Variants in MDFIC observed in about 807,000 individuals in gnomAD.
MDFIC encodes MyoD family inhibitor domain containing.
Under a neutral mutation model 23.2 loss-of-function variants are expected in MDFIC, and 17 were observed. That is an observed-to-expected ratio of 0.73 (90% CI 0.50 to 1.10). MDFIC has a LOEUF of 1.10. Among genes scored for constraint, MDFIC ranks in the 50% least tolerant of loss-of-function variants. The pLI, the probability that MDFIC is intolerant of heterozygous loss-of-function variation, is 0.00. For missense variants in MDFIC, 356 were observed against 316.6 expected (o/e 1.12, Z -0.95); for synonymous variants, 120 against 115.2 (o/e 1.04, Z -0.27).
At chr7:114,959,476 C>G (rs1000866479) in intron 3 of MDFIC, among the ~76,000 whole-genome samples, 1 of 152,128 alleles carries the variant, frequency 6.6e-6, no homozygotes, top group African/African-American at 2.4e-5. Flanking sequence ...GGAAGACAGG[C>G]TCATTATCAT....
At chr7:115,008,729 C>T (rs1791621588) in intron 4 of MDFIC, among the ~76,000 whole-genome samples, 1 of 152,196 alleles carries the variant, frequency 6.6e-6, no homozygotes, top group South Asian at 2.1e-4. Flanking sequence ...TGTGTCTGGT[C>T]CCTCACAGCT....
chr7:115,017,467 G>A lies in MDFIC; in HGVS notation c.*1532G>A, dbSNP rs998822763. 4 of 152,356 alleles carry A rather than the reference G, an allele frequency of 2.6e-5. No homozygotes were observed. The highest frequency in any genetic ancestry group is 5.9e-5 in the Non-Finnish European group (4 of 67,918). The allele number at this position is 152,356 out of a possible 1,614,324, so 9.4% of individuals were successfully genotyped here. A position where few individuals can be genotyped will look rare whatever the true frequency, so the allele number is the denominator to read the frequency against. On this transcript the variant is annotated 3_prime_UTR_variant, in exon 5 of 5. Transcript: ENST00000393486. ...TTGTTTAGTTTGTTTCTTAAGCAGT[G>A]CTATTTTTTGTAAACACAGATAAAT...
At chr7:114,994,949 G>A (rs1045205695) in intron 4 of MDFIC, among the ~76,000 whole-genome samples, 3 of 152,154 alleles carry the variant, frequency 2.0e-5, no homozygotes, top group East Asian at 3.8e-4. Flanking sequence ...GTGTTTTCCA[G>A]CTTGGTTCCA....
At chr7:114,990,054 A>G (rs1365029613) in intron 4 of MDFIC, among the ~76,000 whole-genome samples, 1 of 152,212 alleles carries the variant, frequency 6.6e-6, no homozygotes, top group Non-Finnish European at 1.5e-5. Context: ...AATATAAGTA[A>G]AGAAACCACT....
chr7:115,014,365 C>A (rs547660986), intron 4 of MDFIC: 2 of 1,278,392 alleles, frequency 1.6e-6, no homozygotes, highest in Non-Finnish European at 2.0e-6. Context: ...CATCTACTTG[C>A]AGTTATATGG....
In MDFIC at chr7:114,922,404, A is replaced by G. The variant is rs534893653; in HGVS notation, c.-340A>G. 103 of 1,238,306 alleles carry G rather than the reference A, an allele frequency of 8.3e-5. No individual in the cohort carries two copies. The Middle Eastern group carries it at 1.2e-3, about 15-fold the overall frequency. 76.7% of individuals were successfully genotyped at this position (1,238,306 alleles called of 1,614,324 possible). A position where few individuals can be genotyped will look rare whatever the true frequency, so the allele number is the denominator to read the frequency against. On this transcript the variant is annotated 5_prime_UTR_variant, in exon 1 of 5. Coordinates refer to ENST00000393486, the MANE Select transcript of MDFIC (RefSeq NM_001166345.3). ...AGCCGGCTGGAGTGAGCTGGCTGGA[A>G]AGAGGGGGCGGAGTGCGCGGAGTCA...
intron 3 of MDFIC, among the ~76,000 whole-genome samples, chr7:114,962,235 G>A (rs977985549): frequency 1.3e-5 from 2 of 152,198 alleles, no homozygotes; most frequent in African/African-American, 4.8e-5. Flanking sequence ...AATTGAAGCA[G>A]AGAAGTAAGT....
chr7:114,982,598 G>A (rs1793437654), intron 4 of MDFIC, among the ~76,000 whole-genome samples: 1 of 152,180 alleles, frequency 6.6e-6, no homozygotes. Flanking sequence ...AGGAGGCTGA[G>A]GTGGGAGGAC....
At chr7:115,003,072 A>AAC (rs1791495437) in intron 4 of MDFIC, among the ~76,000 whole-genome samples, 1 of 151,378 alleles carries the variant, frequency 6.6e-6, no homozygotes, top group Non-Finnish European at 1.5e-5. Flanking sequence ...TCTCTGGCCA[A>AAC]ACAGAGTATC....
At chr7:114,977,170 T>G (rs535526684) in intron 3 of MDFIC, among the ~76,000 whole-genome samples, 2 of 152,328 alleles carry the variant, frequency 1.3e-5, no homozygotes, top group Non-Finnish European at 2.9e-5. Context: ...ATATATAGCT[T>G]TGCTTAAAAT....
At chr7:114,945,835 C>A (rs1194921949) in intron 3 of MDFIC, among the ~76,000 whole-genome samples, 2 of 151,932 alleles carry the variant, frequency 1.3e-5, no homozygotes, top group African/African-American at 4.8e-5. Flanking sequence ...TATTTTATGA[C>A]TTTTTATCCT....
chr7:114,936,775 C>T lies in MDFIC; in HGVS notation c.95-5500C>T, dbSNP rs898315717. ...TGAGACTGTTTTCTCATCAGTAAAA[C>T]TGAGCTAAGTTTTTTTCTTTATTGC... On this transcript the variant is annotated intron_variant, in intron 2 of 4. Coordinates refer to ENST00000393486, the MANE Select transcript of MDFIC (RefSeq NM_001166345.3). 5.3e-5 allele frequency among the ~76,000 whole-genome samples: 8 copies of T among 152,190 alleles called. No homozygotes were observed. The East Asian group carries it at 1.5e-3, about 29-fold the overall frequency.
intron 2 of MDFIC, chr7:114,933,840 A>T (rs1792376531): frequency 6.6e-6 from 1 of 152,138 alleles, no homozygotes; most frequent in Non-Finnish European, 1.5e-5. Flanking sequence ...TTTTACTTTG[A>T]TTTTGCAAAA....
intron 2 of MDFIC, among the ~76,000 whole-genome samples, chr7:114,937,338 C>T (rs1457849888): frequency 2.0e-5 from 3 of 152,122 alleles, no homozygotes; most frequent in Non-Finnish European, 4.4e-5. Flanking sequence ...TTTAGTTTTT[C>T]CATTTTCTCT....
chr7:115,019,100 A>G lies in MDFIC; in HGVS notation c.*3165A>G, dbSNP rs904846458. ...TTAGAAAAACTAAGGTAATTTTACAATATATGCTGAGATTAAAAACCAAGG... is the reference window on the plus strand; with the variant it reads ...TTAGAAAAACTAAGGTAATTTTACAGTATATGCTGAGATTAAAAACCAAGG... On this transcript the variant is annotated 3_prime_UTR_variant, in exon 5 of 5. Coordinates refer to ENST00000393486, the MANE Select transcript of MDFIC (RefSeq NM_001166345.3). The G allele has an allele frequency of 6.6e-6, 1 of 151,964 alleles. No homozygotes were observed. The highest frequency in any genetic ancestry group is 2.4e-5 in the African/African-American group (1 of 41,416). The allele number at this position is 151,964 out of a possible 1,614,324, so 9.4% of individuals were successfully genotyped here.
At chr7:114,936,169 C>T (rs1459105131) in intron 2 of MDFIC, among the ~76,000 whole-genome samples, 1 of 152,242 alleles carries the variant, frequency 6.6e-6, no homozygotes, top group East Asian at 1.9e-4. Context: ...ATTTTTGATC[C>T]TTTGCTTTTA....
Position 115,017,685 on chromosome 7 carries a change from G to A in MDFIC, c.*1750G>A, listed in dbSNP as rs1791820665. ...TAGTGTGTGGCTTAGATGAAAGGGA[G>A]AGTAAATTTTCATACCATGCTCTCT... On this transcript the variant is annotated 3_prime_UTR_variant, in exon 5 of 5. Transcript: ENST00000393486. 1 of 152,426 alleles carries A rather than the reference G, an allele frequency of 6.6e-6. No individual in the cohort carries two copies. The highest frequency in any genetic ancestry group is 1.5e-5 in the Non-Finnish European group (1 of 67,902). The allele number at this position is 152,426 out of a possible 1,614,324, so 9.4% of individuals were successfully genotyped here.
chr7:114,958,166 TAC>T (rs1404175085), intron 3 of MDFIC, among the ~76,000 whole-genome samples: 1 of 152,224 alleles, frequency 6.6e-6, no homozygotes, highest in Non-Finnish European at 1.5e-5. Flanking sequence ...ACTATTTAGC[TAC>T]CAGGAATAAA....
At chr7:115,007,926 G>A (rs1270006866) in intron 4 of MDFIC, among the ~76,000 whole-genome samples, 1 of 148,796 alleles carries the variant, frequency 6.7e-6, no homozygotes, top group Non-Finnish European at 1.5e-5. Context: ...CAAACTCCTG[G>A]GCTCAAGGGA....
Sources: allele counts gnomAD v4.1 joint callset (sites outside exome capture counted in the v4.1 genomes callset), GRCh38; gene constraint gnomAD v4.1.1; transcripts MANE v1.5; gene names NCBI Gene and HGNC (gene_info 2026-07-23, HGNC 2026-07-21).